The following GRIK2 variants were observed in gnomAD, a reference collection of about 807,000 sequenced individuals.
The protein encoded by GRIK2 is glutamate receptor ionotropic, kainate 2.
Under a neutral mutation model 100.3 loss-of-function variants are expected in GRIK2, and 32 were observed. The observed-to-expected ratio is 0.32, with a 90% CI of 0.24 to 0.43. The LOEUF (loss-of-function observed/expected upper bound fraction) is 0.43. Among genes scored for constraint, GRIK2 ranks in the 20% least tolerant of loss-of-function variants. GRIK2 has a pLI of 1.00. For synonymous variants in GRIK2, 417 were observed against 389.4 expected, an observed-to-expected ratio of 1.07 and a Z score of -0.83; for missense variants, 843 against 1,114.9, an observed-to-expected ratio of 0.76 and a Z score of 3.47.
At chr6:101,976,473 G>C (rs965899340) in intron 14 of GRIK2, among the ~76,000 whole-genome samples, 1 of 151,868 alleles carries the variant, frequency 6.6e-6, no homozygotes, top group Non-Finnish European at 1.5e-5. Flanking sequence ...GAGGAGAGAA[G>C]ATCACTTGAA....
intron 14 of GRIK2, among the ~76,000 whole-genome samples, chr6:101,980,360 A>T (rs1313112100): frequency 6.6e-6 from 1 of 151,984 alleles, no homozygotes; most frequent in Non-Finnish European, 1.5e-5. Context: ...TTTTGAGGGA[A>T]GCAATATTTT....
At chr6:101,576,775 A>G (rs976779059) in intron 2 of GRIK2, among the ~76,000 whole-genome samples, 2 of 152,074 alleles carry the variant, frequency 1.3e-5, no homozygotes, top group Non-Finnish European at 1.5e-5. Context: ...AACATAAGGC[A>G]CCTGAACATA....
intron 14 of GRIK2, among the ~76,000 whole-genome samples, chr6:102,000,548 G>A (rs960243414): frequency 1.3e-5 from 2 of 151,948 alleles, no homozygotes; most frequent in Non-Finnish European, 2.9e-5. Context: ...TTAATGACAA[G>A]TTCTGTTTTT....
chr6:101,448,530 A>G (rs1450036676), intron 2 of GRIK2, among the ~76,000 whole-genome samples: 1 of 151,632 alleles, frequency 6.6e-6, no homozygotes, highest in East Asian at 1.9e-4. Context: ...TTATTTATAT[A>G]ATCATATGAT....
intron 10 of GRIK2, among the ~76,000 whole-genome samples, chr6:101,834,120 G>A (rs923228036): frequency 2.0e-5 from 3 of 151,916 alleles, no homozygotes. Flanking sequence ...ATATAACCAG[G>A]TATTCAAATT....
chr6:101,408,717 G>A (rs1488207940), intron 2 of GRIK2, among the ~76,000 whole-genome samples: 1 of 151,998 alleles, frequency 6.6e-6, no homozygotes, highest in Non-Finnish European at 1.5e-5. Context: ...ATTACGGAGG[G>A]CAATCTTCTT....
In GRIK2 at chr6:101,439,171, A is replaced by G. The variant is rs543283615; in HGVS notation, c.115+39779A>G. On this transcript the variant is annotated intron_variant, in intron 2 of 16. Transcript: ENST00000369134. ...TAAAAGTGTATCTCATTGGGTCTAT[A>G]TATGTTTATATCATATGGATTATTC... 6.6e-5 allele frequency among the ~76,000 whole-genome samples: 10 copies of G among 152,264 alleles called. No homozygotes were observed. In the East Asian group the frequency reaches 1.7e-3, roughly 26 times the overall value.
At chr6:101,448,432 T>C (rs1335699587) in intron 2 of GRIK2, among the ~76,000 whole-genome samples, 1 of 151,604 alleles carries the variant, frequency 6.6e-6, no homozygotes, top group South Asian at 2.1e-4. Flanking sequence ...TTGTGCAAAT[T>C]ATTTTCCCAA....
chr6:102,026,406 A>C (rs1769708132), intron 14 of GRIK2, among the ~76,000 whole-genome samples: 1 of 150,962 alleles, frequency 6.6e-6, no homozygotes, highest in South Asian at 2.1e-4. Flanking sequence ...TCATTGACCC[A>C]GTGTGGTAAA....
At chr6:101,541,120 T>A (rs1407050458) in intron 2 of GRIK2, among the ~76,000 whole-genome samples, 1 of 152,016 alleles carries the variant, frequency 6.6e-6, no homozygotes, top group Non-Finnish European at 1.5e-5. Context: ...TATTGCTACA[T>A]GTCTGTGTTC....
chr6:101,755,706 A>G (rs532916603), intron 7 of GRIK2, among the ~76,000 whole-genome samples: 2 of 152,294 alleles, frequency 1.3e-5, no homozygotes, highest in South Asian at 4.1e-4. Context: ...CTAAGTGTGT[A>G]TGATAAGTTT....
At chr6:101,394,924 A>G (rs1774947001) in intron 1 of GRIK2, among the ~76,000 whole-genome samples, 1 of 152,214 alleles carries the variant, frequency 6.6e-6, no homozygotes, top group African/African-American at 2.4e-5. Context: ...AAACCCATTG[A>G]AAATCACACA....
At chr6:101,693,607 G>A (rs566409595) in intron 7 of GRIK2, among the ~76,000 whole-genome samples, 10 of 152,054 alleles carry the variant, frequency 6.6e-5, no homozygotes, top group Non-Finnish European at 1.3e-4. Flanking sequence ...GGACTTATTA[G>A]CCTCTTAACA....
chr6:101,585,180 G>A (rs906294429), intron 2 of GRIK2, among the ~76,000 whole-genome samples: 1 of 151,970 alleles, frequency 6.6e-6, no homozygotes, highest in Non-Finnish European at 1.5e-5. Flanking sequence ...TAATAAATTA[G>A]TAAGATAGAC....
rs546467614 is a variant in GRIK2, at chr6:101,838,378, C to T, written c.1317+19895C>T. 2.8e-4 allele frequency among the ~76,000 whole-genome samples: 43 copies of T among 152,184 alleles called. 1 individual carries two copies. The South Asian group carries it at 8.7e-3, about 31-fold the overall frequency. On this transcript the variant is annotated intron_variant, in intron 10 of 16. Coordinates refer to ENST00000369134, the MANE Select transcript of GRIK2 (RefSeq NM_021956.5). ...AGTGATGGGTGAAAAAAGAAATCAACCCACCAAGATTCCTTAATCAATTGC... is the reference window on the plus strand; with the variant it reads ...AGTGATGGGTGAAAAAAGAAATCAATCCACCAAGATTCCTTAATCAATTGC...
At chr6:101,688,003 A>G (rs1304118129) in intron 7 of GRIK2, among the ~76,000 whole-genome samples, 2 of 149,064 alleles carry the variant, frequency 1.3e-5, no homozygotes, top group African/African-American at 4.9e-5. Flanking sequence ...ATTTTTTAAT[A>G]TTATAATGTA....
At chr6:101,496,102 C>T (rs573350657) in intron 2 of GRIK2, among the ~76,000 whole-genome samples, 3 of 152,154 alleles carry the variant, frequency 2.0e-5, no homozygotes, top group African/African-American at 7.2e-5. Flanking sequence ...CACATCACCA[C>T]ACCTGGCTAA....
At chr6:102,065,141 AT>A (rs995080522) in intron 16 of GRIK2, among the ~76,000 whole-genome samples, 2 of 151,236 alleles carry the variant, frequency 1.3e-5, no homozygotes, top group African/African-American at 4.8e-5. Flanking sequence ...GCTTGATTAA[AT>A]TTTTACTTTC....
chr6:101,822,949 T>C lies in GRIK2; in HGVS notation c.1317+4466T>C, dbSNP rs149338500. 7.4e-3 allele frequency among the ~76,000 whole-genome samples: 1,126 copies of C among 152,238 alleles called. 7 individuals carry two copies. Among genetic ancestry groups the C allele is most frequent in the Non-Finnish European group, 9.8e-3 (663 of 67,992 alleles). ...GTTTATGATCAAAATAGCATCTTGATTGATAATTATTTACCTAAAGCAATG... is the reference window on the plus strand; with the variant it reads ...GTTTATGATCAAAATAGCATCTTGACTGATAATTATTTACCTAAAGCAATG... On this transcript the variant is annotated intron_variant, in intron 10 of 16. Transcript: ENST00000369134.
Sources: gnomAD v4.1 joint callset for allele counts (sites outside exome capture counted in the v4.1 genomes callset) on GRCh38, gnomAD v4.1.1 for gene constraint, MANE v1.5 for transcripts, NCBI Gene and HGNC (gene_info 2026-07-23, HGNC 2026-07-21) for gene names.